The following PTPRM variants were observed in gnomAD, a reference collection of about 807,000 sequenced individuals.
The protein encoded by PTPRM is receptor-type tyrosine-protein phosphatase mu.
Under a neutral mutation model 186.7 loss-of-function variants are expected in PTPRM, and 47 were observed. That is an observed-to-expected ratio of 0.25 (90% CI 0.20 to 0.32). The LOEUF is 0.32. Among genes scored for constraint, PTPRM ranks in the 10% least tolerant of loss-of-function variants. The pLI, the probability that PTPRM is intolerant of heterozygous loss-of-function variation, is 1.00. For missense variants in PTPRM, 1,494 were observed against 1,865.0 expected (o/e 0.80, Z 3.66); for synonymous variants, 668 against 674.9 (o/e 0.99, Z 0.16).
intron 2 of PTPRM, among the ~76,000 whole-genome samples, chr18:7,880,134 C>G (rs1221209642): frequency 6.6e-6 from 1 of 152,096 alleles, no homozygotes; most frequent in Non-Finnish European, 1.5e-5. Context: ...AATTAACTCC[C>G]ACTGGGACCC....
chr18:8,295,080 C>G (rs2095081464), intron 19 of PTPRM, among the ~76,000 whole-genome samples: 3 of 152,170 alleles, frequency 2.0e-5, no homozygotes, highest in Non-Finnish European at 4.4e-5. Context: ...CTCAGGGAGT[C>G]CACAGCCTGG....
At chr18:7,588,966 C>T (rs541589425) in intron 1 of PTPRM, among the ~76,000 whole-genome samples, 2 of 152,306 alleles carry the variant, frequency 1.3e-5, no homozygotes, top group African/African-American at 2.4e-5. Context: ...CCTCCTGCCT[C>T]AGCCTCTTGA....
At chr18:7,913,553 C>A (rs2050393069) in intron 4 of PTPRM, among the ~76,000 whole-genome samples, 1 of 152,096 alleles carries the variant, frequency 6.6e-6, no homozygotes, top group South Asian at 2.1e-4. Flanking sequence ...TGGGTTTTAG[C>A]AAATCCTTTT....
intron 1 of PTPRM, among the ~76,000 whole-genome samples, chr18:7,599,954 C>T (rs747179325): frequency 1.3e-5 from 2 of 152,178 alleles, no homozygotes; most frequent in Non-Finnish European, 2.9e-5. Context: ...TACCGTCTAT[C>T]TGCATGTCAC....
At chr18:7,797,491 G>A (rs1018469398) in intron 2 of PTPRM, among the ~76,000 whole-genome samples, 2 of 152,288 alleles carry the variant, frequency 1.3e-5, no homozygotes, top group South Asian at 2.1e-4. Context: ...TTTGTGTAAC[G>A]TTGCAGTGAT....
chr18:8,316,681 G>A (rs1426598070), intron 21 of PTPRM, among the ~76,000 whole-genome samples: 1 of 152,112 alleles, frequency 6.6e-6, no homozygotes, highest in African/African-American at 2.4e-5. Flanking sequence ...GGAGAAATGG[G>A]CAATAAATTA....
chr18:7,834,992 CTT>C (rs57839485), intron 2 of PTPRM, among the ~76,000 whole-genome samples: 3,503 of 85,186 alleles, frequency 0.041, 99 homozygotes, highest in African/African-American at 0.13. Flanking sequence ...TTATTTGGAT[CTT>C]TTTTTTTTTT....
chr18:7,807,990 G>A (rs963572782), intron 2 of PTPRM, among the ~76,000 whole-genome samples: 2 of 152,020 alleles, frequency 1.3e-5, no homozygotes, highest in Admixed American at 6.6e-5. Flanking sequence ...AGATAAAGTA[G>A]CATATCTTTC....
At chr18:7,829,240 A>T (rs1417251764) in intron 2 of PTPRM, among the ~76,000 whole-genome samples, 1 of 152,196 alleles carries the variant, frequency 6.6e-6, no homozygotes, top group Non-Finnish European at 1.5e-5. Flanking sequence ...AATGTTAGAG[A>T]CATTTTTGTG....
chr18:7,884,401 C>T (rs140357715), intron 2 of PTPRM, among the ~76,000 whole-genome samples: 1 of 152,204 alleles, frequency 6.6e-6, no homozygotes, highest in Non-Finnish European at 1.5e-5. Context: ...GACTTTTCCT[C>T]TAAAAGATCA....
At position 8,376,492 on chromosome 18, in the gene PTPRM, C is replaced by A; in HGVS notation, c.3357C>A (p.Ile1119=). 1 of 1,614,102 alleles carries A rather than the reference C, an allele frequency of 6.2e-7. No individual in the cohort carries two copies. Among genetic ancestry groups the A allele is most frequent in the Non-Finnish European group, 8.5e-7 (1 of 1,180,002 alleles). ...SAGAGRTGCF[I]VIDIMLDMAE... ...GTGCAGGGAGGACTGGCTGTTTCAT[C>A]GTCATTGATATCATGTTGGACATGG... Residue 1119 remains isoleucine (I), a synonymous_variant, in exon 26 of 33, where the codon ATC becomes ATA. Coordinates refer to ENST00000580170, the MANE Select transcript of PTPRM (RefSeq NM_001105244.2).
intron 1 of PTPRM, among the ~76,000 whole-genome samples, chr18:7,677,013 TAA>T (rs575557172): frequency 6.2e-4 from 95 of 152,334 alleles, no homozygotes; most frequent in African/African-American, 2.2e-3. Context: ...GTTCAGGATT[TAA>T]AGAGTGGCAT....
intron 32 of PTPRM, among the ~76,000 whole-genome samples, chr18:8,397,514 G>A (rs1371231966): frequency 1.3e-5 from 2 of 152,230 alleles, no homozygotes; most frequent in East Asian, 3.9e-4. Context: ...TCTAATACAA[G>A]ACTAGATTTT....
intron 1 of PTPRM, among the ~76,000 whole-genome samples, chr18:7,733,106 A>G (rs984646612): frequency 1.2e-4 from 18 of 152,174 alleles, no homozygotes; most frequent in Non-Finnish European, 2.6e-4. Context: ...TCCGGGATAC[A>G]TGTACCGAAT....
intron 1 of PTPRM, among the ~76,000 whole-genome samples, chr18:7,688,237 G>A (rs145557930): frequency 6.6e-6 from 1 of 152,264 alleles, no homozygotes; most frequent in Non-Finnish European, 1.5e-5. Context: ...TTTTGTGGCG[G>A]AAATGGGGAG....
At chr18:7,960,367 A>G (rs2053576859) in intron 7 of PTPRM, among the ~76,000 whole-genome samples, 1 of 151,464 alleles carries the variant, frequency 6.6e-6, no homozygotes, top group Non-Finnish European at 1.5e-5. Context: ...GCACTATTCC[A>G]AGCCCTGCCA....
At chr18:8,101,576 T>A (rs1021043648) in intron 11 of PTPRM, among the ~76,000 whole-genome samples, 1 of 152,228 alleles carries the variant, frequency 6.6e-6, no homozygotes, top group Non-Finnish European at 1.5e-5. Context: ...AAGCCCATGC[T>A]TGGTCCCAAA....
intron 2 of PTPRM, among the ~76,000 whole-genome samples, chr18:7,837,834 C>T (rs555469918): frequency 1.1e-4 from 17 of 152,248 alleles, no homozygotes; most frequent in African/African-American, 3.8e-4. Flanking sequence ...TCATATTTTC[C>T]TGGATGGTCT....
At chr18:7,834,659 T>C (rs935049799) in intron 2 of PTPRM, among the ~76,000 whole-genome samples, 1 of 151,220 alleles carries the variant, frequency 6.6e-6, no homozygotes, top group Non-Finnish European at 1.5e-5. Context: ...CCTCTGTTTT[T>C]CAGAGTAGTT....
Sources: gnomAD v4.1 joint callset for allele counts (sites outside exome capture counted in the v4.1 genomes callset) on GRCh38, gnomAD v4.1.1 for gene constraint, MANE v1.5 for transcripts, NCBI Gene and HGNC (gene_info 2026-07-23, HGNC 2026-07-21) for gene names.